Variants in GNA13 observed in about 807,000 individuals in gnomAD.
GNA13 encodes guanine nucleotide-binding protein subunit alpha-13.
A neutral mutation model predicts 33.5 loss-of-function variants in GNA13; 4 were observed. That is an observed-to-expected ratio of 0.12 (90% CI 0.06 to 0.27). The LOEUF (loss-of-function observed/expected upper bound fraction) is 0.27. GNA13 is among the 10% of genes least tolerant of loss of function. The pLI is 1.00. For missense variants in GNA13, 319 were observed against 487.2 expected, an observed-to-expected ratio of 0.65 and a Z score of 3.25; for synonymous variants, 176 against 183.8, an observed-to-expected ratio of 0.96 and a Z score of 0.34.
chr17:65,023,969 A>G (rs1906681970), intron 2 of GNA13, among the ~76,000 whole-genome samples: 1 of 152,216 alleles, frequency 6.6e-6, no homozygotes, highest in African/African-American at 2.4e-5. Flanking sequence ...ATCATATGCT[A>G]TGGCTGGCAC....
In GNA13 at chr17:65,009,557, T is replaced by C. The variant is rs151190402; in HGVS notation, c.*4700A>G. Among the ~76,000 whole-genome samples the C allele has an allele frequency of 0.04, 6,056 of 151,784 alleles. 361 individuals carry two copies. Among genetic ancestry groups the C allele is most frequent in the African/African-American group, 0.14 (5,663 of 41,170 alleles). ...TCCTGGAAAGTTATAAAAAGATATATGTAAAAAAAAAATCCTAAGCCACAA... is the reference window on the plus strand; with the variant it reads ...TCCTGGAAAGTTATAAAAAGATATACGTAAAAAAAAAATCCTAAGCCACAA... On this transcript the variant is annotated 3_prime_UTR_variant, in exon 4 of 4. Transcript: ENST00000439174.
intron 1 of GNA13, chr17:65,055,541 G>T: frequency 1.1e-6 from 1 of 894,688 alleles, no homozygotes; most frequent in Non-Finnish European, 1.3e-6. Context: ...CAGTTACTTA[G>T]CGAAAAGGAG....
At position 65,012,187 on chromosome 17, in the gene GNA13, G is replaced by A. The variant is rs951965542; in HGVS notation, c.*2070C>T. 1 of 220,590 alleles carries A rather than the reference G, an allele frequency of 4.5e-6. No individual in the cohort carries two copies. Among genetic ancestry groups the A allele is most frequent in the Non-Finnish European group, 9.1e-6 (1 of 110,116 alleles). 13.7% of individuals were successfully genotyped at this position (220,590 alleles called of 1,614,324 possible). ...TTCTGCTTTGTCAGGCAATATCTAT[G>A]GTTCGTATCACAGATCTTAACTATG... On this transcript the variant is annotated 3_prime_UTR_variant, in exon 4 of 4. Coordinates refer to ENST00000439174, the MANE Select transcript of GNA13 (RefSeq NM_006572.6).
chr17:65,014,472 C>T lies in GNA13; in HGVS notation c.919G>A (p.Asp307Asn). 1 of 1,613,588 alleles carries T rather than the reference C, an allele frequency of 6.2e-7. No individual in the cohort carries two copies. The highest frequency in any genetic ancestry group is 8.5e-7 in the Non-Finnish European group (1 of 1,179,502). ...TCCCCTTCAAATTCTAGGAAATAGTCTTTGATGCTCACAATTTGCACCTTC... is the reference window on the plus strand; with the variant it reads ...TCCCCTTCAAATTCTAGGAAATAGTTTTTGATGCTCACAATTTGCACCTTC... ...EEKVQIVSIK[D>N]YFLEFEGDPH... Residue 307 changes from aspartate to asparagine, a missense_variant, in exon 4 of 4, where the codon GAC becomes AAC. Around this residue, in one of 4 missense-constraint regions of GNA13, gnomAD observed 134 missense variants for 241.3 expected, o/e 0.56. Coordinates refer to ENST00000439174, the MANE Select transcript of GNA13 (RefSeq NM_006572.6). The surrounding 1 kb of genome is among the most constrained non-coding windows in gnomAD (Gnocchi z 5.3).
chr17:65,016,572 G>C (rs1906377614), intron 3 of GNA13, among the ~76,000 whole-genome samples: 1 of 152,156 alleles, frequency 6.6e-6, no homozygotes, highest in South Asian at 2.1e-4. Flanking sequence ...ATTTTGGCCA[G>C]GCTGGTCTCG....
At chr17:65,052,850 GA>G (rs1907904903) in intron 2 of GNA13, among the ~76,000 whole-genome samples, 1 of 152,120 alleles carries the variant, frequency 6.6e-6, no homozygotes, top group Non-Finnish European at 1.5e-5. Context: ...CCAACATGGC[GA>G]AACTGCCTCT....
chr17:65,053,243 G>A (rs1907918788), intron 2 of GNA13: 1 of 435,562 alleles, frequency 2.3e-6, no homozygotes, highest in East Asian at 3.9e-5. Flanking sequence ...TGGGACTCAA[G>A]TCTAAACTAG....
intron 2 of GNA13, among the ~76,000 whole-genome samples, chr17:65,021,450 G>A (rs1906580421): frequency 6.6e-6 from 1 of 152,190 alleles, no homozygotes; most frequent in Non-Finnish European, 1.5e-5. Context: ...TAACAGAAAA[G>A]CTAAGAACAA....
At chr17:65,032,828 A>G (rs1041490883) in intron 2 of GNA13, among the ~76,000 whole-genome samples, 1 of 151,914 alleles carries the variant, frequency 6.6e-6, no homozygotes, top group Admixed American at 6.6e-5. Context: ...ACACAGTATT[A>G]GGCTGGGTGC....
At chr17:65,023,314 G>A (rs747719422) in intron 2 of GNA13, among the ~76,000 whole-genome samples, 2 of 152,172 alleles carry the variant, frequency 1.3e-5, no homozygotes, top group Non-Finnish European at 2.9e-5. Flanking sequence ...AATTTAACAC[G>A]CTCCTGTGAA....
intron 2 of GNA13, among the ~76,000 whole-genome samples, chr17:65,032,065 T>C (rs1279771605): frequency 6.6e-6 from 1 of 152,136 alleles, no homozygotes; most frequent in Non-Finnish European, 1.5e-5. Context: ...TAAGGAGCTG[T>C]TCATTGTAAC....
At chr17:65,037,777 G>GAAAAAAAAAAAAAAAAAAAAAAAA (rs145051963) in intron 2 of GNA13, among the ~76,000 whole-genome samples, 2 of 82,040 alleles carry the variant, frequency 2.4e-5, no homozygotes, top group Non-Finnish European at 4.2e-5. Flanking sequence ...CTACAAAAAT[G>GAAAAAAAAAAAAAAAAAAAAAAAA]GAAAAAAAAA....
At chr17:65,042,085 G>A (rs1013024989) in intron 2 of GNA13, among the ~76,000 whole-genome samples, 4 of 152,032 alleles carry the variant, frequency 2.6e-5, no homozygotes, top group East Asian at 3.9e-4. Flanking sequence ...CCAGCCAGCC[G>A]CGGTGGCTCA....
intron 2 of GNA13, among the ~76,000 whole-genome samples, chr17:65,042,272 T>C (rs1473101468): frequency 6.7e-6 from 1 of 150,274 alleles, no homozygotes; most frequent in Non-Finnish European, 1.5e-5. Context: ...GCAGGAGAAT[T>C]GCTTGAACCC....
intron 2 of GNA13, 66 bp from the exon 3 acceptor site, chr17:65,018,369 T>A: frequency 1.2e-6 from 1 of 839,996 alleles, no homozygotes; most frequent in South Asian, 1.3e-5. Flanking sequence ...TACAACAGTT[T>A]ACATCATACT....
At chr17:65,046,708 T>C (rs906699999) in intron 2 of GNA13, among the ~76,000 whole-genome samples, 1 of 152,338 alleles carries the variant, frequency 6.6e-6, no homozygotes, top group Non-Finnish European at 1.5e-5. Flanking sequence ...CAAACCTTTT[T>C]CCTGGGTTAG....
chr17:65,034,190 T>C (rs1023631018), intron 2 of GNA13, among the ~76,000 whole-genome samples: 2 of 152,060 alleles, frequency 1.3e-5, no homozygotes, highest in African/African-American at 4.8e-5. Context: ...ATAAGTTATT[T>C]CAATGTTTTC....
intron 2 of GNA13, among the ~76,000 whole-genome samples, chr17:65,028,201 G>A (rs1186849285): frequency 1.3e-5 from 2 of 152,154 alleles, no homozygotes; most frequent in African/African-American, 4.8e-5. Context: ...ACTCCAGCCT[G>A]GGTGACAGAG....
intron 2 of GNA13, among the ~76,000 whole-genome samples, chr17:65,025,195 G>A (rs1906731268): frequency 6.6e-6 from 1 of 152,124 alleles, no homozygotes; most frequent in South Asian, 2.1e-4. Context: ...ACTACACCCA[G>A]CTGTAAAAGT....
Sources: allele counts gnomAD v4.1 joint callset (sites outside exome capture counted in the v4.1 genomes callset), GRCh38; gene constraint gnomAD v4.1.1; regional missense constraint gnomAD v4.1.1; non-coding constraint Gnocchi (gnomAD v3.1); transcripts MANE v1.5; gene names NCBI Gene and HGNC (gene_info 2026-07-23, HGNC 2026-07-21).